ABLIM1: variants seen among roughly 807,000 people sequenced by gnomAD.
ABLIM1 encodes actin binding LIM protein 1, also known as actin-binding LIM protein 1.
Under a neutral mutation model 107.0 loss-of-function variants are expected in ABLIM1, and 40 were observed. The ratio of observed to expected loss-of-function variants is 0.37; its 90% CI spans 0.29 to 0.49. ABLIM1 has a LOEUF of 0.49. Ranked by LOEUF, ABLIM1 falls within the 20% of genes least tolerant of loss-of-function variation. ABLIM1 has a pLI of 0.97. For missense variants in ABLIM1, 857 were observed against 1,008.5 expected, an observed-to-expected ratio of 0.85 and a Z score of 2.04; for synonymous variants, 357 against 357.3, an observed-to-expected ratio of 1.00 and a Z score of 0.01.
intron 8 of ABLIM1, chr10:114,485,365 G>A (rs1434627211): frequency 5.0e-6 from 8 of 1,612,264 alleles, no homozygotes; most frequent in Admixed American, 1.7e-5. Flanking sequence ...GATGAAGAAC[G>A]CCGAATGTTT....
chr10:114,644,329 A>ATATATGTG lies in ABLIM1; in HGVS notation c.244+13627_244+13628insCACATATA, dbSNP rs1158947105. ...AAAATATATATATATATATATATAT[A>ATATATGTG]TGTGTATATATTGTATATATACATA... On this transcript the variant is annotated intron_variant, in intron 1 of 22. Transcript: ENST00000533213. Among the ~76,000 whole-genome samples, 223 of 114,846 alleles carry ATATATGTG rather than the reference A, an allele frequency of 1.9e-3. 2 individuals carry two copies. Among genetic ancestry groups the ATATATGTG allele is most frequent in the African/African-American group, 8.7e-3 (208 of 23,794 alleles). The allele number at this position is 114,846 out of a possible 152,430, so 75.3% of individuals were successfully genotyped here.
At chr10:114,767,970 G>A in intron 1 of ABLIM1, 1 of 393,736 alleles carries the variant, frequency 2.5e-6, no homozygotes, top group Non-Finnish European at 5.1e-6. Flanking sequence ...GGCCGGGCTG[G>A]GGCCGGCGCG....
chr10:114,722,784 G>A (rs1047457751), intron 1 of ABLIM1, among the ~76,000 whole-genome samples: 14 of 152,242 alleles, frequency 9.2e-5, no homozygotes, highest in African/African-American at 2.9e-4. Flanking sequence ...TAGCTGGAGA[G>A]GAAGGAGGAC....
intron 12 of ABLIM1, among the ~76,000 whole-genome samples, chr10:114,459,021 A>G (rs1365240700): frequency 6.6e-6 from 1 of 152,238 alleles, no homozygotes; most frequent in African/African-American, 2.4e-5. Context: ...CCAGTGAAGG[A>G]GAGAAACAGT....
At chr10:114,594,227 AAACC>A (rs2075194032) in intron 2 of ABLIM1, among the ~76,000 whole-genome samples, 1 of 152,230 alleles carries the variant, frequency 6.6e-6, no homozygotes. Flanking sequence ...CTAAGGGTCT[AAACC>A]AGAGTGAAAC....
intron 1 of ABLIM1, among the ~76,000 whole-genome samples, chr10:114,645,354 C>A (rs1449049087): frequency 3.9e-5 from 6 of 152,150 alleles, no homozygotes; most frequent in Non-Finnish European, 7.4e-5. Context: ...GCTGCCCACA[C>A]TGGTAACTGG....
chr10:114,532,967 A>G (rs2065608109), intron 6 of ABLIM1, among the ~76,000 whole-genome samples: 1 of 152,232 alleles, frequency 6.6e-6, no homozygotes, highest in South Asian at 2.1e-4. Flanking sequence ...AATGGAGATT[A>G]GGTCTGAGTG....
At chr10:114,568,196 C>CA (rs34861242) in intron 4 of ABLIM1, among the ~76,000 whole-genome samples, 8,254 of 51,528 alleles carry the variant, frequency 0.16, 774 homozygotes, top group African/African-American at 0.23. Flanking sequence ...GACTCCGTCT[C>CA]AAAAAAAAAA....
chr10:114,467,432 C>T (rs1489790078), intron 11 of ABLIM1, among the ~76,000 whole-genome samples: 1 of 152,178 alleles, frequency 6.6e-6, no homozygotes, highest in Non-Finnish European at 1.5e-5. Context: ...ACCTCAGTAA[C>T]CATAGCTTTG....
At chr10:114,571,250 T>C in intron 4 of ABLIM1, 47 bp downstream of exon 4, 2 of 1,565,768 alleles carry the variant, frequency 1.3e-6, no homozygotes, top group Non-Finnish European at 8.8e-7. Context: ...CTGAGCTACC[T>C]CTGGACTACA....
intron 22 of ABLIM1, 98 bp downstream of exon 22, chr10:114,437,746 T>G (rs2059625428): frequency 4.8e-6 from 5 of 1,033,760 alleles, no homozygotes; most frequent in Non-Finnish European, 7.3e-6. Flanking sequence ...TATAATTTTT[T>G]TTTGTTTTCA....
At chr10:114,690,255 A>G in intron 1 of ABLIM1, 1 of 1,518,074 alleles carries the variant, frequency 6.6e-7, no homozygotes, top group Non-Finnish European at 9.1e-7. Flanking sequence ...CATCTTGCCA[A>G]AGACCACATG....
chr10:114,528,547 A>G (rs1006268156), intron 6 of ABLIM1, among the ~76,000 whole-genome samples: 1 of 152,092 alleles, frequency 6.6e-6, no homozygotes, highest in African/African-American at 2.4e-5. Context: ...GGAGTCAGAA[A>G]CCTCCATCAA....
At chr10:114,562,974 A>T (rs1046845544) in intron 4 of ABLIM1, among the ~76,000 whole-genome samples, 2 of 152,222 alleles carry the variant, frequency 1.3e-5, no homozygotes, top group African/African-American at 4.8e-5. Flanking sequence ...ATGGAAATCA[A>T]AGCACAGCTT....
chr10:114,781,331 C>T, the ABLIM1 span, among the ~76,000 whole-genome samples: 1 of 151,796 alleles, frequency 6.6e-6, no homozygotes, highest in East Asian at 1.9e-4. Context: ...TGGTGAAACC[C>T]CATCTCTACC....
At chr10:114,731,440 A>C (rs808350) in intron 1 of ABLIM1, among the ~76,000 whole-genome samples, 107,000 of 151,094 alleles carry the variant, frequency 0.71, 37,930 homozygotes, top group Middle Eastern at 0.74. Context: ...CCATGCCTAG[A>C]CATGTTTGTT....
chr10:114,702,326 T>G (rs17092337), intron 1 of ABLIM1, among the ~76,000 whole-genome samples: 3,285 of 152,292 alleles, frequency 0.022, 39 homozygotes, highest in Middle Eastern at 0.055. Context: ...GATATTCTAA[T>G]GAGTTACAGA....
chr10:114,470,366 TG>T (rs2066238031), intron 10 of ABLIM1, among the ~76,000 whole-genome samples: 2 of 134,968 alleles, frequency 1.5e-5, no homozygotes, highest in South Asian at 4.5e-4. Flanking sequence ...GAGGTTGCAG[TG>T]AGCCAAGATT....
At chr10:114,683,100 TC>T (rs2080815871) in intron 1 of ABLIM1, among the ~76,000 whole-genome samples, 2 of 152,230 alleles carry the variant, frequency 1.3e-5, no homozygotes, top group African/African-American at 4.8e-5. Context: ...ATGCATAGTG[TC>T]CTTATTAAAA....
Sources: gnomAD v4.1 joint callset for allele counts (sites outside exome capture counted in the v4.1 genomes callset) on GRCh38, gnomAD v4.1.1 for gene constraint, MANE v1.5 for transcripts, NCBI Gene and HGNC (gene_info 2026-07-23, HGNC 2026-07-21) for gene names.